The following KCNMA1 variants were observed in gnomAD, a reference collection of about 807,000 sequenced individuals.
The protein encoded by KCNMA1 is potassium calcium-activated channel subfamily M alpha 1, also known as Calcium-activated potassium channel subunit alpha-1.
Under a neutral mutation model 140.0 loss-of-function variants are expected in KCNMA1, and 29 were observed. That is an observed-to-expected ratio of 0.21 (90% confidence interval 0.15 to 0.28). KCNMA1 has a LOEUF of 0.28. Ranked by LOEUF, KCNMA1 falls within the 10% of genes least tolerant of loss-of-function variation. The probability of loss-of-function intolerance (pLI) is 1.00; values close to 1 mark genes in which losing one functional copy is unlikely to be tolerated. For missense variants in KCNMA1, 880 were observed against 1,602.2 expected, an observed-to-expected ratio of 0.55 and a Z score of 7.70; for synonymous variants, 612 against 611.9, an observed-to-expected ratio of 1.00 and a Z score of 0.00.
At chr10:77,017,261 T>C (rs1156863433) in intron 17 of KCNMA1, among the ~76,000 whole-genome samples, 1 of 152,186 alleles carries the variant, frequency 6.6e-6, no homozygotes, top group Non-Finnish European at 1.5e-5. Flanking sequence ...ACGTGATATA[T>C]GGTTCTCCTG....
intron 1 of KCNMA1, among the ~76,000 whole-genome samples, chr10:77,424,679 C>T (rs900536132): frequency 6.6e-5 from 10 of 152,084 alleles, no homozygotes; most frequent in African/African-American, 2.4e-4. Flanking sequence ...TAGAATATGA[C>T]ACCAGGGAGG....
chr10:77,123,341 T>C (rs2097666429), intron 5 of KCNMA1, among the ~76,000 whole-genome samples: 1 of 152,028 alleles, frequency 6.6e-6, no homozygotes, highest in Non-Finnish European at 1.5e-5. Flanking sequence ...AATTCTAAGG[T>C]CTCAAAAAAT....
chr10:77,064,367 A>G (rs998245216), intron 14 of KCNMA1, among the ~76,000 whole-genome samples: 1 of 152,200 alleles, frequency 6.6e-6, no homozygotes, highest in Non-Finnish European at 1.5e-5. Flanking sequence ...TGTTGGGGGA[A>G]GGAGGGAGAA....
At chr10:77,619,051 C>T (rs1213839336) in intron 1 of KCNMA1, among the ~76,000 whole-genome samples, 1 of 152,178 alleles carries the variant, frequency 6.6e-6, no homozygotes, top group East Asian at 1.9e-4. Flanking sequence ...AGAAAGAGGG[C>T]AGGAGCTGGA....
chr10:77,407,770 G>A (rs1303095660), intron 1 of KCNMA1, among the ~76,000 whole-genome samples: 1 of 152,140 alleles, frequency 6.6e-6, no homozygotes, highest in African/African-American at 2.4e-5. Flanking sequence ...GCACAGTCCC[G>A]GGCACACAGT....
chr10:77,236,682 A>T (rs930070657), intron 3 of KCNMA1, among the ~76,000 whole-genome samples: 5 of 152,272 alleles, frequency 3.3e-5, no homozygotes, highest in Non-Finnish European at 5.9e-5. Flanking sequence ...ACATACGTTT[A>T]TACAGTATAT....
At chr10:77,186,792 T>C (rs2098863098) in intron 3 of KCNMA1, among the ~76,000 whole-genome samples, 1 of 148,538 alleles carries the variant, frequency 6.7e-6, no homozygotes, top group Non-Finnish European at 1.5e-5. Context: ...TGTGTGTGTG[T>C]GTGTGTGTGT....
At chr10:77,519,335 G>T (rs1455506741) in intron 1 of KCNMA1, among the ~76,000 whole-genome samples, 1 of 152,240 alleles carries the variant, frequency 6.6e-6, no homozygotes, top group Non-Finnish European at 1.5e-5. Flanking sequence ...TCTATCCAGA[G>T]ATGAAAGGCT....
chr10:77,052,525 C>G (rs1207055358), intron 14 of KCNMA1, among the ~76,000 whole-genome samples: 3 of 151,900 alleles, frequency 2.0e-5, no homozygotes, highest in Non-Finnish European at 4.4e-5. Context: ...CGTTCTCCTT[C>G]CTATCAAATG....
chr10:77,225,885 G>A (rs1423686472), intron 3 of KCNMA1, among the ~76,000 whole-genome samples: 1 of 152,150 alleles, frequency 6.6e-6, no homozygotes, highest in Middle Eastern at 3.2e-3. Flanking sequence ...CCTGGACCCT[G>A]GGCTCTGAGT....
At chr10:77,026,918 C>T (rs1280678647) in intron 16 of KCNMA1, among the ~76,000 whole-genome samples, 1 of 152,168 alleles carries the variant, frequency 6.6e-6, no homozygotes, top group African/African-American at 2.4e-5. Flanking sequence ...GTACTCTGCT[C>T]AGTTATTAAG....
chr10:77,289,764 A>G (rs1354680959), intron 2 of KCNMA1, among the ~76,000 whole-genome samples: 2 of 152,234 alleles, frequency 1.3e-5, no homozygotes, highest in African/African-American at 4.8e-5. Context: ...TAGTACATCA[A>G]AAATTTCCTT....
intron 1 of KCNMA1, among the ~76,000 whole-genome samples, chr10:77,470,167 T>C (rs1384838984): frequency 6.6e-6 from 1 of 152,010 alleles, no homozygotes; most frequent in Non-Finnish European, 1.5e-5. Context: ...GGTCACCAAC[T>C]GCAAGGATCC....
At chr10:77,291,933 T>C (rs10824514) in intron 2 of KCNMA1, among the ~76,000 whole-genome samples, 32,959 of 152,162 alleles carry the variant, frequency 0.22, 3,963 homozygotes, top group East Asian at 0.48. Context: ...CCAGCTCAGC[T>C]CTGCCCTGAA....
intron 6 of KCNMA1, among the ~76,000 whole-genome samples, chr10:77,113,945 T>C (rs1017444540): frequency 6.6e-6 from 1 of 152,194 alleles, no homozygotes; most frequent in African/African-American, 2.4e-5. Flanking sequence ...ACATTAGACC[T>C]CTAGACTTGA....
chr10:76,985,232 G>A (rs2080918085), intron 19 of KCNMA1, among the ~76,000 whole-genome samples: 1 of 152,182 alleles, frequency 6.6e-6, no homozygotes, highest in Non-Finnish European at 1.5e-5. Flanking sequence ...ATTCTAATAT[G>A]TAAAGCACTG....
chr10:77,305,881 C>T (rs2154338197), intron 2 of KCNMA1, among the ~76,000 whole-genome samples: 1 of 152,264 alleles, frequency 6.6e-6, no homozygotes, highest in East Asian at 1.9e-4. Context: ...TATAAAGCAG[C>T]CCATAAAATG....
At chr10:77,634,023 T>C (rs1603639199) in intron 1 of KCNMA1, 1 of 382,578 alleles carries the variant, frequency 2.6e-6, no homozygotes, top group Non-Finnish European at 3.6e-6. Flanking sequence ...CTATATCGAA[T>C]CACAGAGCAG....
chr10:77,028,106 A>G lies in KCNMA1; in HGVS notation c.1860-215T>C, dbSNP rs80068633. Among the ~76,000 whole-genome samples the G allele has an allele frequency of 3.5e-3, 538 of 152,274 alleles. 3 individuals carry two copies. Among genetic ancestry groups the G allele is most frequent in the African/African-American group, 0.012 (505 of 41,550 alleles). ...GCAAGTGATAAGGTGCTGGATGCTC[A>G]AAGTGCAAATTGCACTCAGGTCTGG... On this transcript the variant is annotated intron_variant, in intron 15 of 27. Transcript: ENST00000286628.
Sources: gnomAD v4.1 joint callset for allele counts (sites outside exome capture counted in the v4.1 genomes callset) on GRCh38, gnomAD v4.1.1 for gene constraint, MANE v1.5 for transcripts, NCBI Gene and HGNC (gene_info 2026-07-23, HGNC 2026-07-21) for gene names.